Variants in EPHB1 observed in about 807,000 individuals in gnomAD.
The protein encoded by EPHB1 is ephrin type-B receptor 1.
Under a neutral mutation model 94.4 loss-of-function variants are expected in EPHB1, and 30 were observed. That is an observed-to-expected ratio of 0.32 (90% CI 0.24 to 0.43). The LOEUF is 0.43. Ranked by LOEUF, EPHB1 falls within the 20% of genes least tolerant of loss-of-function variation. The pLI, the probability that EPHB1 is intolerant of heterozygous loss-of-function variation, is 1.00. For synonymous variants in EPHB1, 522 were observed against 489.1 expected (o/e 1.07, Z -0.89); for missense variants, 1,055 against 1,308.3 (o/e 0.81, Z 2.99).
chr3:135,208,137 A>C (rs946079231), intron 12 of EPHB1, among the ~76,000 whole-genome samples: 1 of 152,190 alleles, frequency 6.6e-6, no homozygotes. Flanking sequence ...AAGAGGGAAG[A>C]TGGAGTGGAA....
At chr3:135,024,589 G>C (rs1010796498) in intron 3 of EPHB1, among the ~76,000 whole-genome samples, 1 of 152,098 alleles carries the variant, frequency 6.6e-6, no homozygotes, top group African/African-American at 2.4e-5. Context: ...TACACCGGGG[G>C]GTTGTCTAGC....
At chr3:134,958,433 TG>T (rs1933369654) in intron 3 of EPHB1, among the ~76,000 whole-genome samples, 1 of 151,448 alleles carries the variant, frequency 6.6e-6, no homozygotes, top group African/African-American at 2.4e-5. Flanking sequence ...TGTGTGTGTG[TG>T]TGTGTGTGTG....
intron 1 of EPHB1, among the ~76,000 whole-genome samples, chr3:134,912,916 T>G (rs557890068): frequency 6.8e-4 from 104 of 152,332 alleles, no homozygotes; most frequent in Admixed American, 1.2e-3. Context: ...TCTGGCCATC[T>G]TTTAGGATTT....
At chr3:134,958,959 A>G (rs772844898) in intron 3 of EPHB1, among the ~76,000 whole-genome samples, 1 of 152,198 alleles carries the variant, frequency 6.6e-6, no homozygotes, top group Non-Finnish European at 1.5e-5. Context: ...AAATTCCACT[A>G]GTGTTGAGCA....
At chr3:134,920,108 G>A (rs115871752) in intron 1 of EPHB1, among the ~76,000 whole-genome samples, 1 of 152,104 alleles carries the variant, frequency 6.6e-6, no homozygotes, top group Non-Finnish European at 1.5e-5. Context: ...TGTGTTCTGT[G>A]TGGCTGCAAG....
At chr3:135,016,969 C>T (rs942813996) in intron 3 of EPHB1, among the ~76,000 whole-genome samples, 2 of 152,190 alleles carry the variant, frequency 1.3e-5, no homozygotes, top group Admixed American at 1.3e-4. Context: ...CATCTCCAGG[C>T]ATCCCTGAAG....
chr3:134,978,049 C>T (rs1474446657), intron 3 of EPHB1: 1 of 451,932 alleles, frequency 2.2e-6, no homozygotes, highest in Non-Finnish European at 4.4e-6. Context: ...ACACAGCCTC[C>T]TCTGCATCCA....
At chr3:135,247,467 G>A (rs539754934) in intron 13 of EPHB1, among the ~76,000 whole-genome samples, 4 of 152,118 alleles carry the variant, frequency 2.6e-5, no homozygotes, top group African/African-American at 9.6e-5. Context: ...TAGCACTTGC[G>A]TCACTTACAA....
chr3:135,135,531 T>A (rs1416793570), intron 5 of EPHB1, among the ~76,000 whole-genome samples: 2 of 152,148 alleles, frequency 1.3e-5, no homozygotes, highest in African/African-American at 4.8e-5. Flanking sequence ...ATGACTCAGA[T>A]CCATTAAGGG....
At chr3:135,133,358 T>C (rs1237273659) in intron 5 of EPHB1, among the ~76,000 whole-genome samples, 2 of 152,110 alleles carry the variant, frequency 1.3e-5, no homozygotes, top group African/African-American at 4.8e-5. Flanking sequence ...GTTGGAAAGA[T>C]GGATGAAGAG....
At chr3:134,902,195 G>A (rs2038216523) in intron 1 of EPHB1, among the ~76,000 whole-genome samples, 1 of 152,182 alleles carries the variant, frequency 6.6e-6, no homozygotes, top group African/African-American at 2.4e-5. Flanking sequence ...AGAGGGGGCT[G>A]TGGCTGTATG....
At chr3:134,820,359 C>A (rs1174394205) in intron 1 of EPHB1, among the ~76,000 whole-genome samples, 1 of 152,202 alleles carries the variant, frequency 6.6e-6, no homozygotes, top group Admixed American at 6.5e-5. Context: ...TGCTTCTCTG[C>A]CCCTAAGGGA....
chr3:135,175,414 A>G (rs934970952), intron 9 of EPHB1, among the ~76,000 whole-genome samples: 1 of 152,242 alleles, frequency 6.6e-6, no homozygotes, highest in South Asian at 2.1e-4. Context: ...TTAAGATTTT[A>G]TAATTCTCCT....
intron 3 of EPHB1, among the ~76,000 whole-genome samples, chr3:135,024,493 T>G (rs941611902): frequency 5.3e-5 from 8 of 152,154 alleles, no homozygotes; most frequent in African/African-American, 1.9e-4. Context: ...CGGATGGACA[T>G]CGCCAGAATT....
At chr3:135,144,852 T>C (rs1376603572) in intron 5 of EPHB1, among the ~76,000 whole-genome samples, 1 of 152,204 alleles carries the variant, frequency 6.6e-6, no homozygotes, top group African/African-American at 2.4e-5. Flanking sequence ...GGAAGTCCTC[T>C]GTCCCCAGGT....
intron 1 of EPHB1, among the ~76,000 whole-genome samples, chr3:134,827,686 A>G (rs2036509012): frequency 6.6e-6 from 1 of 152,236 alleles, no homozygotes; most frequent in South Asian, 2.1e-4. Flanking sequence ...AGGGGCTAGA[A>G]TTCACTGTTT....
intron 3 of EPHB1, among the ~76,000 whole-genome samples, chr3:134,958,296 G>T (rs1933359049): frequency 6.6e-6 from 1 of 152,096 alleles, no homozygotes. Flanking sequence ...AGCTCTTCTT[G>T]GAAAAAGAGG....
chr3:134,983,442 T>A (rs962454821), intron 3 of EPHB1, among the ~76,000 whole-genome samples: 7 of 152,242 alleles, frequency 4.6e-5, no homozygotes, highest in African/African-American at 1.7e-4. Context: ...CATGGCTCAG[T>A]GGGGCTCAAT....
At chr3:134,983,775 C>T (rs1332720800) in intron 3 of EPHB1, among the ~76,000 whole-genome samples, 1 of 152,254 alleles carries the variant, frequency 6.6e-6, no homozygotes, top group Non-Finnish European at 1.5e-5. Flanking sequence ...ATCTGTCTCT[C>T]TCCTTAGACC....
Sources: gnomAD v4.1 joint callset for allele counts (sites outside exome capture counted in the v4.1 genomes callset) on GRCh38, gnomAD v4.1.1 for gene constraint, MANE v1.5 for transcripts, NCBI Gene and HGNC (gene_info 2026-07-23, HGNC 2026-07-21) for gene names.